Variants in ROBO2 observed in about 807,000 individuals in gnomAD.
ROBO2 encodes the protein roundabout homolog 2.
Under a neutral mutation model 160.8 loss-of-function variants are expected in ROBO2, and 53 were observed. The ratio of observed to expected loss-of-function variants is 0.33; its 90% CI spans 0.26 to 0.41. The LOEUF is 0.41. Among genes scored for constraint, ROBO2 ranks in the 10% least tolerant of loss-of-function variants. ROBO2 has a pLI of 1.00. For synonymous variants in ROBO2, 664 were observed against 611.7 expected (o/e 1.09, Z -1.26); for missense variants, 1,577 against 1,722.4 (o/e 0.92, Z 1.49).
intron 2 of ROBO2, among the ~76,000 whole-genome samples, chr3:77,437,999 G>C (rs559715723): frequency 6.6e-6 from 1 of 151,878 alleles, no homozygotes; most frequent in African/African-American, 2.4e-5. Flanking sequence ...TTTTAATAAC[G>C]ATAATAACTA....
intron 2 of ROBO2, among the ~76,000 whole-genome samples, chr3:76,943,052 G>A (rs528157654): frequency 7.2e-5 from 11 of 152,296 alleles, no homozygotes; most frequent in East Asian, 1.9e-4. Context: ...CTCCTCCAAT[G>A]TTCACCTAAC....
At chr3:76,419,373 A>T (rs988100924) in intron 2 of ROBO2, among the ~76,000 whole-genome samples, 7 of 152,200 alleles carry the variant, frequency 4.6e-5, no homozygotes, top group African/African-American at 1.4e-4. Context: ...GTAATTGTAC[A>T]CATGTAAATT....
intron 2 of ROBO2, among the ~76,000 whole-genome samples, chr3:77,272,836 T>C (rs2059586773): frequency 1.3e-5 from 2 of 152,210 alleles, no homozygotes; most frequent in African/African-American, 2.4e-5. Context: ...TCTCATCTTT[T>C]AGGTTAGAAA....
intron 14 of ROBO2, among the ~76,000 whole-genome samples, chr3:77,575,723 A>C (rs958868798): frequency 6.6e-6 from 1 of 152,144 alleles, no homozygotes; most frequent in Non-Finnish European, 1.5e-5. Context: ...CATGTTTAAA[A>C]ATAATAATCA....
chr3:76,068,881 T>G (rs1460156725), intron 2 of ROBO2, among the ~76,000 whole-genome samples: 3 of 152,182 alleles, frequency 2.0e-5, no homozygotes, highest in African/African-American at 7.2e-5. Context: ...GACTTCTCCT[T>G]AAAACATATT....
At chr3:76,709,175 C>T (rs2093236061) in intron 2 of ROBO2, among the ~76,000 whole-genome samples, 1 of 152,154 alleles carries the variant, frequency 6.6e-6, no homozygotes, top group Non-Finnish European at 1.5e-5. Flanking sequence ...ATTAGATATG[C>T]ATTCCCCAAG....
rs1327761708 is a variant in ROBO2 at position 77,124,405 on chromosome 3, T to C, written c.388+26065T>C. On this transcript the variant is annotated intron_variant, in intron 2 of 25. Transcript: ENST00000461745. Reference sequence around the variant, plus strand: ...GAAGACCCATGTGATAGGAGTAGAGTTTATATTACTGATTCATGAGGAGCC... The same window carrying C: ...GAAGACCCATGTGATAGGAGTAGAGCTTATATTACTGATTCATGAGGAGCC... Among the ~76,000 whole-genome samples the C allele has an allele frequency of 2.6e-5, 4 of 151,834 alleles. No individual in the cohort carries two copies. The East Asian group carries it at 7.7e-4, about 29-fold the overall frequency.
At chr3:77,255,665 C>T (rs1287556631) in intron 2 of ROBO2, among the ~76,000 whole-genome samples, 1 of 152,224 alleles carries the variant, frequency 6.6e-6, no homozygotes, top group Non-Finnish European at 1.5e-5. Flanking sequence ...ATTATACAGA[C>T]ATCACAAGGG....
intron 2 of ROBO2, among the ~76,000 whole-genome samples, chr3:76,814,197 A>G (rs1448254475): frequency 1.3e-5 from 2 of 152,176 alleles, no homozygotes; most frequent in Non-Finnish European, 2.9e-5. Context: ...AAATCAAAAT[A>G]GACTGACTGT....
chr3:76,676,987 A>C (rs1173666531), intron 2 of ROBO2, among the ~76,000 whole-genome samples: 1 of 152,222 alleles, frequency 6.6e-6, no homozygotes, highest in Admixed American at 6.5e-5. Context: ...TCATTTAATA[A>C]AACTCTAATG....
intron 2 of ROBO2, among the ~76,000 whole-genome samples, chr3:76,677,030 A>T (rs945143368): frequency 6.6e-6 from 1 of 152,222 alleles, no homozygotes; most frequent in African/African-American, 2.4e-5. Context: ...TATAATGTTG[A>T]AAAGAAAATT....
At chr3:76,037,264 T>TC (rs1366008148) in intron 2 of ROBO2, among the ~76,000 whole-genome samples, 2 of 150,792 alleles carry the variant, frequency 1.3e-5, no homozygotes, top group African/African-American at 4.9e-5. Flanking sequence ...TTTTTTCTTT[T>TC]TTTTTTTTTT....
chr3:77,252,824 AAAAAAAAATATAT>A (rs1311740078), intron 2 of ROBO2, among the ~76,000 whole-genome samples: 1 of 86,028 alleles, frequency 1.2e-5, no homozygotes, highest in Non-Finnish European at 2.5e-5. Flanking sequence ...AAAAAAAAAA[AAAAAAAAATATAT>A]ATATATATAT....
At chr3:77,291,385 C>A (rs573090449) in intron 2 of ROBO2, among the ~76,000 whole-genome samples, 20 of 151,382 alleles carry the variant, frequency 1.3e-4, no homozygotes, top group African/African-American at 3.6e-4. Context: ...GGCTACATCA[C>A]CCCAGACATA....
chr3:77,318,551 G>A (rs2064316336), intron 2 of ROBO2, among the ~76,000 whole-genome samples: 1 of 152,168 alleles, frequency 6.6e-6, no homozygotes, highest in African/African-American at 2.4e-5. Context: ...TAACTAGCAA[G>A]AGACTATATA....
intron 2 of ROBO2, among the ~76,000 whole-genome samples, chr3:76,713,406 A>G (rs1452911887): frequency 6.6e-6 from 1 of 152,128 alleles, no homozygotes; most frequent in African/African-American, 2.4e-5. Flanking sequence ...TTGTTATCCT[A>G]AGATTTTTTT....
chr3:77,048,930 C>T (rs1035458249), intron 1 of ROBO2, among the ~76,000 whole-genome samples: 32 of 152,148 alleles, frequency 2.1e-4, no homozygotes, highest in African/African-American at 7.5e-4. Context: ...TTTCATTTGA[C>T]TGTGTAATTT....
chr3:76,109,573 G>A (rs2070123075), intron 2 of ROBO2, among the ~76,000 whole-genome samples: 2 of 152,000 alleles, frequency 1.3e-5, no homozygotes, highest in Non-Finnish European at 2.9e-5. Flanking sequence ...TGTGCCTCCT[G>A]CTTTCAATGT....
intron 2 of ROBO2, among the ~76,000 whole-genome samples, chr3:77,371,071 T>C (rs1219808668): frequency 1.3e-5 from 2 of 152,168 alleles, no homozygotes; most frequent in Non-Finnish European, 2.9e-5. Flanking sequence ...AAGGTGGTGA[T>C]ATTATTTTTT....
Sources: allele counts gnomAD v4.1 joint callset (sites outside exome capture counted in the v4.1 genomes callset), GRCh38; gene constraint gnomAD v4.1.1; transcripts MANE v1.5; gene names NCBI Gene and HGNC (gene_info 2026-07-23, HGNC 2026-07-21).